The following FRY variants were observed in gnomAD, a reference collection of about 807,000 sequenced individuals.
FRY encodes the protein FRY microtubule binding protein.
A neutral mutation model predicts 348.4 loss-of-function variants in FRY; 128 were observed. The observed-to-expected ratio is 0.37, with a 90% CI of 0.32 to 0.43. FRY has a LOEUF of 0.43. Ranked by LOEUF, FRY falls within the 20% of genes least tolerant of loss-of-function variation. FRY has a pLI of 1.00. For synonymous variants in FRY, 1,370 were observed against 1,374.7 expected (o/e 1.00, Z 0.08); for missense variants, 2,736 against 3,695.2 (o/e 0.74, Z 6.73).
At chr13:32,156,240 T>C (rs1881099008) in intron 15 of FRY, among the ~76,000 whole-genome samples, 1 of 152,244 alleles carries the variant, frequency 6.6e-6, no homozygotes, top group South Asian at 2.1e-4. Context: ...TCTACAGACC[T>C]GAGAGAAACA....
chr13:32,148,833 T>C (rs1166148621), intron 13 of FRY, among the ~76,000 whole-genome samples: 8 of 152,210 alleles, frequency 5.3e-5, no homozygotes, highest in Admixed American at 5.2e-4. Context: ...TTGACAGTGA[T>C]AGCTCTCTTT....
chr13:32,049,224 G>A (rs1873190606), intron 1 of FRY, among the ~76,000 whole-genome samples: 1 of 152,136 alleles, frequency 6.6e-6, no homozygotes, highest in Admixed American at 6.5e-5. Context: ...CATGAAGACT[G>A]TTACAGAGAA....
chr13:32,209,139 G>A lies in FRY; in HGVS notation c.4275+30G>A, dbSNP rs570902439. On this transcript the variant is annotated intron_variant, in intron 32 of 60. Coordinates refer to ENST00000542859, the MANE Select transcript of FRY (RefSeq NM_023037.3). ...ACTCAGAGGAATTGTGCTTCAAATA[G>A]CATGGCTCCATCATCAGAAAAAAAC... The A allele has an allele frequency of 1.7e-4, 274 of 1,613,374 alleles. 2 individuals are homozygous for A. The East Asian group carries it at 3.2e-3, about 19-fold the overall frequency.
chr13:32,041,532 G>C (rs941226408), intron 1 of FRY, among the ~76,000 whole-genome samples: 2 of 152,020 alleles, frequency 1.3e-5, no homozygotes, highest in Non-Finnish European at 2.9e-5. Flanking sequence ...GACCTCAAGG[G>C]ATTACAGGCA....
At chr13:32,146,289 G>T (rs1335592764) in intron 11 of FRY, among the ~76,000 whole-genome samples, 6 of 152,008 alleles carry the variant, frequency 3.9e-5, no homozygotes, top group African/African-American at 1.2e-4. Context: ...AACAAAAATG[G>T]ATTTAAGGTT....
intron 55 of FRY, among the ~76,000 whole-genome samples, chr13:32,268,501 AAAAAATATATATATAT>A (rs1357847735): frequency 1.2e-4 from 2 of 17,080 alleles, no homozygotes; most frequent in African/African-American, 2.9e-4. Flanking sequence ...AAAAAAAAAA[AAAAAATATATATATAT>A]ATATATATAT....
chr13:32,058,603 T>C (rs1259368285), intron 1 of FRY, among the ~76,000 whole-genome samples: 21 of 152,216 alleles, frequency 1.4e-4, no homozygotes, highest in Middle Eastern at 3.2e-3. Context: ...CTTAGGATCC[T>C]TCACCTGTCC....
At chr13:32,240,143 T>A (rs1004354084) in intron 46 of FRY, among the ~76,000 whole-genome samples, 1 of 152,244 alleles carries the variant, frequency 6.6e-6, no homozygotes, top group African/African-American at 2.4e-5. Context: ...CTATTAAATA[T>A]TATAATACAT....
At chr13:32,144,051 C>T (rs1405026694) in intron 11 of FRY, among the ~76,000 whole-genome samples, 2 of 152,104 alleles carry the variant, frequency 1.3e-5, no homozygotes, top group East Asian at 3.9e-4. Context: ...ACACCATAGG[C>T]ATTTGCTGAT....
At chr13:32,226,668 A>G (rs986818602) in intron 39 of FRY, among the ~76,000 whole-genome samples, 32 of 152,086 alleles carry the variant, frequency 2.1e-4, no homozygotes, top group African/African-American at 6.5e-4. Context: ...TTACCTATTC[A>G]TTTTACACAT....
rs184216575 is a variant in FRY, at chr13:32,184,286, C to A, written c.3055-314C>A. 7.4e-4 allele frequency among the ~76,000 whole-genome samples: 112 copies of A among 152,316 alleles called. 1 individual carries two copies. In the East Asian group the frequency reaches 0.018, roughly 25 times the overall value. Reference sequence around the variant, plus strand: ...GACCAGAACTGGGATTATTTCATGTCCCCTGCCCCTTTCACTGGTTTGAGA... The same window carrying A: ...GACCAGAACTGGGATTATTTCATGTACCCTGCCCCTTTCACTGGTTTGAGA... On this transcript the variant is annotated intron_variant, in intron 24 of 60. Coordinates refer to ENST00000542859, the MANE Select transcript of FRY (RefSeq NM_023037.3).
At chr13:32,234,965 ATC>A (rs1463227835) in intron 42 of FRY, among the ~76,000 whole-genome samples, 1 of 152,204 alleles carries the variant, frequency 6.6e-6, no homozygotes, top group Non-Finnish European at 1.5e-5. Context: ...AGTGGATATT[ATC>A]TCTTTTATAT....
chr13:32,117,017 G>C (rs1186066523), intron 3 of FRY, among the ~76,000 whole-genome samples: 1 of 152,060 alleles, frequency 6.6e-6, no homozygotes, highest in Non-Finnish European at 1.5e-5. Context: ...ATCTACTTTA[G>C]GCAGATGAAC....
intron 55 of FRY, among the ~76,000 whole-genome samples, chr13:32,273,687 A>G (rs992880968): frequency 6.6e-6 from 1 of 152,138 alleles, no homozygotes; most frequent in Non-Finnish European, 1.5e-5. Flanking sequence ...CAGAGGCTCA[A>G]ATGCACAGTT....
chr13:32,074,101 A>G (rs764171818), intron 1 of FRY, among the ~76,000 whole-genome samples: 1 of 152,218 alleles, frequency 6.6e-6, no homozygotes, highest in Non-Finnish European at 1.5e-5. Context: ...GCAGTCCGAA[A>G]TAGATTTAAT....
chr13:32,274,026 C>T (rs1888355827), intron 55 of FRY, among the ~76,000 whole-genome samples: 1 of 152,144 alleles, frequency 6.6e-6, no homozygotes, highest in South Asian at 2.1e-4. Flanking sequence ...AAACCCGAAA[C>T]CCTTCTGGTC....
chr13:32,238,531 C>T (rs1029618753), intron 44 of FRY, among the ~76,000 whole-genome samples: 2 of 152,160 alleles, frequency 1.3e-5, no homozygotes, highest in African/African-American at 4.8e-5. Context: ...CGGCTCACTG[C>T]AACCTCTCCT....
intron 2 of FRY, among the ~76,000 whole-genome samples, chr13:32,093,797 C>G (rs971378559): frequency 6.6e-6 from 1 of 152,166 alleles, no homozygotes; most frequent in Non-Finnish European, 1.5e-5. Context: ...CTTTAGCCAG[C>G]TAAGAACTTT....
At chr13:32,175,697 T>G in intron 20 of FRY, 65 bp downstream of exon 20, 1 of 921,424 alleles carries the variant, frequency 1.1e-6, no homozygotes, top group South Asian at 1.3e-5. Flanking sequence ...AAATAGTCAG[T>G]GAAAAATTAT....
Sources: gnomAD v4.1 joint callset for allele counts (sites outside exome capture counted in the v4.1 genomes callset) on GRCh38, gnomAD v4.1.1 for gene constraint, MANE v1.5 for transcripts, NCBI Gene and HGNC (gene_info 2026-07-23, HGNC 2026-07-21) for gene names.